The following PDE6C variants were observed in gnomAD, a reference collection of about 807,000 sequenced individuals.
PDE6C encodes the protein phosphodiesterase 6C.
PDE6C carries 75 observed loss-of-function variants against 113.1 expected under a neutral mutation model. The ratio of observed to expected loss-of-function variants is 0.66; its 90% CI spans 0.55 to 0.80. The LOEUF (loss-of-function observed/expected upper bound fraction) is 0.80, where lower values mean the gene tolerates loss of function less well. PDE6C is among the 30% of genes least tolerant of loss of function. The pLI is 0.00. For synonymous variants in PDE6C, 375 were observed against 363.7 expected (o/e 1.03, Z -0.35); for missense variants, 912 against 1,038.6 (o/e 0.88, Z 1.67).
intron 15 of PDE6C, among the ~76,000 whole-genome samples, chr10:93,647,062 T>A (rs2058588081): frequency 6.6e-6 from 1 of 152,224 alleles, no homozygotes. Flanking sequence ...GTACTACTAA[T>A]CTTCCAGAGA....
At chr10:93,635,380 A>G (rs559979716) in intron 9 of PDE6C, 117 bp from the exon 10 acceptor site, 2 of 775,034 alleles carry the variant, frequency 2.6e-6, no homozygotes, top group East Asian at 4.9e-5. Flanking sequence ...AAATTAAAAG[A>G]AGGAATGGGG....
intron 14 of PDE6C, among the ~76,000 whole-genome samples, chr10:93,644,056 A>G (rs1371280618): frequency 6.6e-6 from 1 of 152,166 alleles, no homozygotes; most frequent in Non-Finnish European, 1.5e-5. Context: ...AGTCTAGGCC[A>G]ACTATTTTGC....
chr10:93,651,463 A>C (rs1214127137), intron 15 of PDE6C, among the ~76,000 whole-genome samples: 1 of 152,144 alleles, frequency 6.6e-6, no homozygotes, highest in Non-Finnish European at 1.5e-5. Context: ...AGTGTGTGAG[A>C]AAGAGTGAGG....
chr10:93,664,321 G>A (rs2058680217), intron 21 of PDE6C, among the ~76,000 whole-genome samples: 1 of 152,188 alleles, frequency 6.6e-6, no homozygotes, highest in Non-Finnish European at 1.5e-5. Context: ...TGGGGAGGAA[G>A]AGTAAGAAAA....
chr10:93,635,840 G>A (rs1319927338), intron 10 of PDE6C, among the ~76,000 whole-genome samples, 200 bp downstream of exon 10: 1 of 152,120 alleles, frequency 6.6e-6, no homozygotes, highest in Non-Finnish European at 1.5e-5. Context: ...CTGCTTGGCT[G>A]GAATAGCACT....
chr10:93,645,912 G>C, intron 14 of PDE6C, 48 bp from the exon 15 acceptor site: 1 of 1,083,048 alleles, frequency 9.2e-7, no homozygotes, highest in Non-Finnish European at 1.4e-6. Flanking sequence ...ATGAACCTAT[G>C]TGTAATTTTT....
At chr10:93,643,440 C>T (rs1775521838) in intron 14 of PDE6C, among the ~76,000 whole-genome samples, 2 of 152,056 alleles carry the variant, frequency 1.3e-5, no homozygotes, top group Middle Eastern at 3.2e-3. Flanking sequence ...CACCCAGGGA[C>T]TGCAGTGGCA....
At chr10:93,663,500 G>A (rs2058676118) in intron 21 of PDE6C, among the ~76,000 whole-genome samples, 1 of 152,308 alleles carries the variant, frequency 6.6e-6, no homozygotes. Context: ...GAATCTGGGG[G>A]ATTAGAGTTA....
At chr10:93,641,796 A>T (rs1378145613) in intron 14 of PDE6C, among the ~76,000 whole-genome samples, 1 of 152,094 alleles carries the variant, frequency 6.6e-6, no homozygotes, top group Non-Finnish European at 1.5e-5. Context: ...GCTTCTGCCA[A>T]ACTCTCCTTC....
chr10:93,634,928 A>G, intron 9 of PDE6C, 21 bp downstream of exon 9: 2 of 1,612,562 alleles, frequency 1.2e-6, no homozygotes, highest in Non-Finnish European at 8.5e-7. Flanking sequence ...TAATAAGATA[A>G]TGGAAGTCAA....
chr10:93,645,940 G>T lies in PDE6C; in HGVS notation c.1848-20G>T. The T allele has an allele frequency of 6.9e-7, 1 of 1,447,084 alleles. No individual in the cohort carries two copies. The highest frequency in any genetic ancestry group is 9.7e-7 in the Non-Finnish European group (1 of 1,027,850). 89.6% of individuals were successfully genotyped at this position (1,447,084 alleles called of 1,614,324 possible). ...TAATTTTTAAACAGCTAGAATCATGGCATGTTGTTTTCCTTCTAGATCCAC... is the reference window on the plus strand; with the variant it reads ...TAATTTTTAAACAGCTAGAATCATGTCATGTTGTTTTCCTTCTAGATCCAC... On this transcript the variant is annotated intron_variant, in intron 14 of 21. Coordinates refer to ENST00000371447, the MANE Select transcript of PDE6C (RefSeq NM_006204.4).
intron 15 of PDE6C, among the ~76,000 whole-genome samples, chr10:93,650,055 C>T (rs540838682): frequency 5.3e-5 from 8 of 152,282 alleles, no homozygotes; most frequent in African/African-American, 1.4e-4. Context: ...CTGTCCACTC[C>T]CAGCCCTAGG....
chr10:93,614,464 C>T (rs2058410423), intron 1 of PDE6C, among the ~76,000 whole-genome samples: 2 of 152,156 alleles, frequency 1.3e-5, no homozygotes, highest in South Asian at 4.1e-4. Context: ...ACTGCAGCTG[C>T]TTCAAGTGTC....
intron 18 of PDE6C, among the ~76,000 whole-genome samples, chr10:93,659,728 G>T (rs143078558): frequency 5.7e-4 from 87 of 152,296 alleles, no homozygotes; most frequent in African/African-American, 2.0e-3. Context: ...ACCTCCCACT[G>T]GGTCACTCCC....
At position 93,636,368 on chromosome 10, in the gene PDE6C, T is replaced by TTGTGTGTGTGTGTGTG. The variant is rs56143950; in HGVS notation, c.1414-603_1414-588dup. ...CTCTATTTCTTTTATTTCCCTGGCT[T>TTGTGTGTGTGTGTGTG]TGTGTGTGTGTGTGTGTGTGTGTGT... On this transcript the variant is annotated intron_variant, in intron 10 of 21. Transcript: ENST00000371447. Among the ~76,000 whole-genome samples the TTGTGTGTGTGTGTGTG allele has an allele frequency of 6.5e-4, 92 of 141,356 alleles. 2 individuals carry two copies. The highest frequency in any genetic ancestry group is 2.0e-3 in the African/African-American group (73 of 36,860). 92.7% of individuals were successfully genotyped at this position (141,356 alleles called of 152,430 possible).
intron 1 of PDE6C, among the ~76,000 whole-genome samples, chr10:93,614,626 C>T (rs2058411413): frequency 1.3e-5 from 2 of 152,128 alleles, no homozygotes; most frequent in African/African-American, 4.8e-5. Context: ...GAAAAAGTGA[C>T]ATTCAGCAAT....
intron 1 of PDE6C, among the ~76,000 whole-genome samples, chr10:93,613,924 C>T (rs923221680): frequency 9.9e-5 from 15 of 152,192 alleles, no homozygotes; most frequent in African/African-American, 3.6e-4. Flanking sequence ...AAATACAAGG[C>T]ATTGAGATGC....
At chr10:93,625,315 T>C (rs2058468301) in intron 4 of PDE6C, among the ~76,000 whole-genome samples, 1 of 152,216 alleles carries the variant, frequency 6.6e-6, no homozygotes, top group Non-Finnish European at 1.5e-5. Context: ...ATGTTACATA[T>C]GTATTATTCA....
At chr10:93,637,116 C>A in intron 11 of PDE6C, 53 bp downstream of exon 11, 3 of 875,348 alleles carry the variant, frequency 3.4e-6, no homozygotes, top group South Asian at 2.7e-5. Flanking sequence ...CATTATAAAT[C>A]AATAATATAT....
Sources: allele counts gnomAD v4.1 joint callset (sites outside exome capture counted in the v4.1 genomes callset), GRCh38; gene constraint gnomAD v4.1.1; transcripts MANE v1.5; gene names NCBI Gene and HGNC (gene_info 2026-07-23, HGNC 2026-07-21).